APOL4: variants seen among roughly 807,000 people sequenced by gnomAD.
The protein encoded by APOL4 is apolipoprotein L, 4.
APOL4 carries 14 observed loss-of-function variants against 12.1 expected under a neutral mutation model. The observed-to-expected ratio is 1.16, with a 90% CI of 0.76 to 1.81. The LOEUF (loss-of-function observed/expected upper bound fraction) is 1.81, where lower values mean the gene tolerates loss of function less well. Ranked by LOEUF, APOL4 falls within the 40% of genes most tolerant of loss-of-function variation. APOL4 has a pLI of 0.00. For missense variants in APOL4, 432 were observed against 423.1 expected (o/e 1.02, Z -0.18); for synonymous variants, 171 against 160.6 (o/e 1.06, Z -0.49).
At chr22:36,199,198 A>G (rs132712) in intron 2 of APOL4, 132 bp downstream of exon 2, 452,466 of 1,282,172 alleles carry the variant, frequency 0.35, 91,518 homozygotes, top group East Asian at 0.89. Context: ...CAGCCTCATC[A>G]GCCACCTCCG....
upstream of APOL4, among the ~76,000 whole-genome samples, chr22:36,203,884 TC>T (rs1006095498): frequency 6.6e-6 from 1 of 152,204 alleles, no homozygotes; most frequent in Non-Finnish European, 1.5e-5. Context: ...GAGCATTTCA[TC>T]TTTTATTCCG....
intron 2 of APOL4, among the ~76,000 whole-genome samples, chr22:36,198,102 C>A (rs1372728267): frequency 6.6e-6 from 1 of 152,222 alleles, no homozygotes; most frequent in African/African-American, 2.4e-5. Context: ...CCGACTGGCT[C>A]TTCTGAGTCC....
At chr22:36,199,833 G>T (rs1001991482) in intron 1 of APOL4, among the ~76,000 whole-genome samples, 1 of 152,016 alleles carries the variant, frequency 6.6e-6, no homozygotes, top group African/African-American at 2.4e-5. Context: ...TTTTGAGACG[G>T]AGTCTCGCTC....
chr22:36,196,463 A>G (rs1425790538), intron 2 of APOL4, among the ~76,000 whole-genome samples: 1 of 152,152 alleles, frequency 6.6e-6, no homozygotes, highest in Non-Finnish European at 1.5e-5. Context: ...CTTGTAATCA[A>G]AGGTACAAAT....
intron 1 of APOL4, among the ~76,000 whole-genome samples, chr22:36,200,256 T>C (rs2014532812): frequency 6.6e-6 from 1 of 152,240 alleles, no homozygotes; most frequent in African/African-American, 2.4e-5. Flanking sequence ...GGACTTCTGC[T>C]TCAACCTCAT....
chr22:36,197,850 C>T, intron 2 of APOL4: 3 of 1,542,382 alleles, frequency 1.9e-6, no homozygotes, highest in Non-Finnish European at 2.6e-6. Flanking sequence ...CAGGAAGTGG[C>T]CAATCTGGCT....
At chr22:36,201,141 A>T (rs951664215) in intron 1 of APOL4, among the ~76,000 whole-genome samples, 5 of 151,376 alleles carry the variant, frequency 3.3e-5, no homozygotes, top group Non-Finnish European at 7.4e-5. Context: ...ACTAATAATG[A>T]TACTATAAAT....
At chr22:36,195,755 C>T in intron 2 of APOL4, among the ~76,000 whole-genome samples, 2 of 111,438 alleles carry the variant, frequency 1.8e-5, no homozygotes, top group Admixed American at 2.0e-4. Context: ...CTCTCTCTCT[C>T]TCTCTCTCTC....
At chr22:36,196,570 T>G (rs1277229520) in intron 2 of APOL4, among the ~76,000 whole-genome samples, 3 of 152,206 alleles carry the variant, frequency 2.0e-5, no homozygotes, top group Non-Finnish European at 2.9e-5. Context: ...ACTGCCCAGA[T>G]GAGTTGCCCC....
At chr22:36,196,596 G>A (rs1256718908) in intron 2 of APOL4, among the ~76,000 whole-genome samples, 3 of 152,220 alleles carry the variant, frequency 2.0e-5, no homozygotes, top group African/African-American at 7.2e-5. Flanking sequence ...TGTGTGGTTT[G>A]CAGGGATTTG....
At chr22:36,195,907 C>A (rs1405934444) in intron 2 of APOL4, among the ~76,000 whole-genome samples, 1 of 152,170 alleles carries the variant, frequency 6.6e-6, no homozygotes, top group Non-Finnish European at 1.5e-5. Flanking sequence ...CTGCTGGCAC[C>A]TTCACCTTGG....
At chr22:36,199,621 G>A (rs1033268504) in intron 1 of APOL4, 3 of 1,552,436 alleles carry the variant, frequency 1.9e-6, no homozygotes, top group South Asian at 2.4e-5. Flanking sequence ...GTTGGAGAAT[G>A]AGGAGAAGAT....
At chr22:36,197,853 A>G (rs1283075904) in intron 2 of APOL4, 11 of 1,542,176 alleles carry the variant, frequency 7.1e-6, no homozygotes, top group African/African-American at 1.4e-5. Context: ...GAAGTGGCCA[A>G]TCTGGCTAAG....
chr22:36,195,355 G>A lies in APOL4; in HGVS notation c.165C>T (p.Ser55=), dbSNP rs761768565. The A allele has an allele frequency of 1.3e-5, 21 of 1,613,818 alleles. No individual in the cohort carries two copies. The highest frequency in any genetic ancestry group is 3.3e-4 in the Middle Eastern group (2 of 6,056). ...GCACAAATCTCTTCCAGGCTTCATC[G>A]CTAGTCAGCAGGATTTTCAGATGCA... ...SPVHLKILLT[S]DEAWKRFVRV... is the part of the protein sequence containing the mutation. The change falls in exon 3 of 4, where the codon AGC becomes AGT. Residue 55 remains serine (S), a synonymous_variant. Coordinates refer to ENST00000683024, the MANE Select transcript of APOL4 (RefSeq NM_001386885.1).
chr22:36,200,510 C>T (rs1007823888), intron 1 of APOL4, among the ~76,000 whole-genome samples: 1 of 152,218 alleles, frequency 6.6e-6, no homozygotes, highest in African/African-American at 2.4e-5. Flanking sequence ...GCTGCCGAGC[C>T]CTCCTGGCGC....
In APOL4 at chr22:36,195,455, G is replaced by A. The variant is rs1244560125; in HGVS notation, c.83-18C>T. 1.2e-6 allele frequency: 2 copies of A among 1,610,356 alleles called. No homozygotes were observed. The highest frequency in any genetic ancestry group is 1.7e-6 in the Non-Finnish European group (2 of 1,178,138). On this transcript the variant is annotated intron_variant, in intron 2 of 3. Transcript: ENST00000683024. ...TTTCTTTTCTAGTTGGAAACAAAAA[G>A]GATAAGATTGGAAGAAAGTTTGCTA...
chr22:36,197,843 G>T (rs1419780499), intron 2 of APOL4: 1 of 1,544,578 alleles, frequency 6.5e-7, no homozygotes, highest in Non-Finnish European at 8.7e-7. Flanking sequence ...TGACAAACAG[G>T]AAGTGGCCAA....
chr22:36,192,878 C>G (rs1281262373), intron 3 of APOL4, among the ~76,000 whole-genome samples: 2 of 152,184 alleles, frequency 1.3e-5, no homozygotes, highest in African/African-American at 4.8e-5. Context: ...AGCTTGTGAT[C>G]CAGCCCCAGG....
At chr22:36,195,215 T>C in intron 3 of APOL4, 96 bp downstream of exon 3, 2 of 1,470,202 alleles carry the variant, frequency 1.4e-6, no homozygotes, top group East Asian at 4.6e-5. Context: ...CAGAGGGGGC[T>C]GCCTGGAGGA....
Sources: gnomAD v4.1 joint callset for allele counts (sites outside exome capture counted in the v4.1 genomes callset) on GRCh38, gnomAD v4.1.1 for gene constraint, MANE v1.5 for transcripts, NCBI Gene and HGNC (gene_info 2026-07-23, HGNC 2026-07-21) for gene names.